Variants in PTPRD observed in about 807,000 individuals in gnomAD.
PTPRD encodes receptor-type tyrosine-protein phosphatase delta.
In PTPRD, 34 loss-of-function variants were observed where a neutral mutation model predicts 214.5. The observed-to-expected ratio is 0.16, with a 90% CI of 0.12 to 0.21. PTPRD has a LOEUF of 0.21. PTPRD is among the 10% of genes least tolerant of loss of function. The pLI is 1.00. For missense variants in PTPRD, 2,545 were observed against 2,398.7 expected, an observed-to-expected ratio of 1.06 and a Z score of -1.27; for synonymous variants, 1,128 against 845.7, an observed-to-expected ratio of 1.33 and a Z score of -5.79.
intron 3 of PTPRD, among the ~76,000 whole-genome samples, chr9:10,252,671 T>C (rs138689997): frequency 6.6e-6 from 1 of 152,222 alleles, no homozygotes; most frequent in Non-Finnish European, 1.5e-5. Flanking sequence ...ATAGATAAAT[T>C]AGCATAATCA....
At position 8,652,600 on chromosome 9, in the gene PTPRD, G is replaced by A. The variant is rs556556113; in HGVS notation, c.65-15756C>T. Among the ~76,000 whole-genome samples, 3 of 152,294 alleles carry A rather than the reference G, an allele frequency of 2.0e-5. No homozygotes were observed. The South Asian group carries it at 6.2e-4, about 32-fold the overall frequency. On this transcript the variant is annotated intron_variant, in intron 12 of 45. Coordinates refer to ENST00000381196, the MANE Select transcript of PTPRD (RefSeq NM_002839.4). ...ACACCATTTTAGGACCTCCTCCCAG[G>A]TTGGACTTAGCTTTAGAAGCTAAAA...
At chr9:10,297,553 A>G (rs1031683142) in intron 3 of PTPRD, among the ~76,000 whole-genome samples, 1 of 150,544 alleles carries the variant, frequency 6.6e-6, no homozygotes, top group African/African-American at 2.5e-5. Flanking sequence ...TAGAGTTTAG[A>G]GATGGCACAT....
intron 11 of PTPRD, among the ~76,000 whole-genome samples, chr9:8,997,148 T>C (rs936185293): frequency 6.6e-6 from 1 of 152,110 alleles, no homozygotes; most frequent in Non-Finnish European, 1.5e-5. Context: ...GACTAGCAAA[T>C]ATTTTTTCTA....
At chr9:10,196,974 C>T (rs1304463520) in intron 3 of PTPRD, among the ~76,000 whole-genome samples, 2 of 152,160 alleles carry the variant, frequency 1.3e-5, no homozygotes, top group African/African-American at 4.8e-5. Context: ...CTCATCGGAA[C>T]CTGACCATGC....
At chr9:9,188,843 T>C (rs1484861942) in intron 9 of PTPRD, among the ~76,000 whole-genome samples, 1 of 142,956 alleles carries the variant, frequency 7.0e-6, no homozygotes, top group South Asian at 2.2e-4. Context: ...TGTGTGTGTG[T>C]TGTGTGCATG....
At chr9:10,031,637 T>TACACACAC (rs1255630031) in intron 4 of PTPRD, among the ~76,000 whole-genome samples, 2 of 77,404 alleles carry the variant, frequency 2.6e-5, no homozygotes, top group African/African-American at 2.0e-4. Context: ...TATATATATA[T>TACACACAC]ATATATATAT....
chr9:9,142,424 T>C (rs1473141061), intron 10 of PTPRD, among the ~76,000 whole-genome samples: 1 of 152,246 alleles, frequency 6.6e-6, no homozygotes. Flanking sequence ...TCTTTGAACT[T>C]AGTCCTAATG....
chr9:9,455,119 A>T (rs1424081849), intron 8 of PTPRD, among the ~76,000 whole-genome samples: 1 of 151,624 alleles, frequency 6.6e-6, no homozygotes, highest in Admixed American at 6.6e-5. Flanking sequence ...GTTTTCCTTA[A>T]AAGTTTTACT....
chr9:8,639,761 T>C (rs1223272230), intron 12 of PTPRD, among the ~76,000 whole-genome samples: 1 of 152,208 alleles, frequency 6.6e-6, no homozygotes, highest in East Asian at 1.9e-4. Flanking sequence ...AAAGCTCATC[T>C]GGAAATAACT....
intron 2 of PTPRD, among the ~76,000 whole-genome samples, chr9:10,559,169 T>G (rs1590893632): frequency 6.6e-6 from 1 of 152,214 alleles, no homozygotes; most frequent in South Asian, 2.1e-4. Flanking sequence ...TCTTAAAAGT[T>G]TTAAGAATCC....
intron 7 of PTPRD, among the ~76,000 whole-genome samples, chr9:9,691,611 A>G (rs1039064121): frequency 1.3e-5 from 2 of 151,938 alleles, no homozygotes; most frequent in African/African-American, 4.8e-5. Flanking sequence ...GATTCAATAT[A>G]CTGATTTCCT....
chr9:9,687,590 C>A (rs1044968432), intron 7 of PTPRD, among the ~76,000 whole-genome samples: 2 of 151,218 alleles, frequency 1.3e-5, no homozygotes, highest in Non-Finnish European at 3.0e-5. Flanking sequence ...CTAACCTGCA[C>A]ATTGTGCACA....
At chr9:9,018,999 T>A (rs902602052) in intron 10 of PTPRD, among the ~76,000 whole-genome samples, 3 of 152,134 alleles carry the variant, frequency 2.0e-5, no homozygotes, top group South Asian at 2.1e-4. Context: ...AAATATTTAA[T>A]GTATCCCCTA....
intron 10 of PTPRD, among the ~76,000 whole-genome samples, chr9:9,054,594 T>G (rs762161245): frequency 3.9e-5 from 6 of 152,168 alleles, no homozygotes; most frequent in African/African-American, 4.8e-5. Context: ...GGGTCAATTC[T>G]GAGATTCTCT....
At chr9:10,362,070 C>T (rs933371875) in intron 2 of PTPRD, among the ~76,000 whole-genome samples, 1 of 152,198 alleles carries the variant, frequency 6.6e-6, no homozygotes, top group Non-Finnish European at 1.5e-5. Flanking sequence ...ATCTAGTCAG[C>T]AACTGCCACA....
chr9:9,318,260 A>G (rs1203446977), intron 9 of PTPRD, among the ~76,000 whole-genome samples: 1 of 151,768 alleles, frequency 6.6e-6, no homozygotes, highest in Non-Finnish European at 1.5e-5. Context: ...ATTTTCCCTC[A>G]ATACTTGTTA....
Position 10,338,190 on chromosome 9 carries a change from C to G in PTPRD, c.-545+2773G>C, listed in dbSNP as rs897914291. Among the ~76,000 whole-genome samples, 15 of 151,504 alleles carry G rather than the reference C, an allele frequency of 9.9e-5. 1 individual carries two copies. On this transcript the variant is annotated intron_variant, in intron 3 of 45. Transcript: ENST00000381196. Reference sequence around the variant, plus strand: ...ATGTTAGGAAACAGTGCTGAGAAACCATGTTCATTGCCAGTTCTCAGCACA... The same window carrying G: ...ATGTTAGGAAACAGTGCTGAGAAACGATGTTCATTGCCAGTTCTCAGCACA...
intron 2 of PTPRD, among the ~76,000 whole-genome samples, chr9:10,472,766 A>G (rs141903784): frequency 6.6e-5 from 10 of 152,158 alleles, no homozygotes; most frequent in South Asian, 4.1e-4. Flanking sequence ...ATCCTAGAAA[A>G]CTCAAATTAA....
intron 5 of PTPRD, among the ~76,000 whole-genome samples, chr9:9,932,638 GT>G (rs1228307188): frequency 8.7e-6 from 1 of 115,604 alleles, no homozygotes; most frequent in Non-Finnish European, 1.7e-5. Context: ...ATGGAACCAA[GT>G]TGGAAAACAC....
Sources: gnomAD v4.1 joint callset for allele counts (sites outside exome capture counted in the v4.1 genomes callset) on GRCh38, gnomAD v4.1.1 for gene constraint, MANE v1.5 for transcripts, NCBI Gene and HGNC (gene_info 2026-07-23, HGNC 2026-07-21) for gene names.